BMP2K: variants seen among roughly 807,000 people sequenced by gnomAD.
BMP2K encodes BMP-2-inducible protein kinase.
BMP2K carries 74 observed loss-of-function variants against 116.0 expected under a neutral mutation model. The observed-to-expected ratio is 0.64, with a 90% CI of 0.53 to 0.77. The LOEUF (loss-of-function observed/expected upper bound fraction) is 0.77, where lower values mean the gene tolerates loss of function less well. BMP2K is among the 30% of genes least tolerant of loss of function. The pLI, the probability that BMP2K is intolerant of heterozygous loss-of-function variation, is 0.00. For synonymous variants in BMP2K, 486 were observed against 502.5 expected (o/e 0.97, Z 0.44); for missense variants, 1,365 against 1,403.6 (o/e 0.97, Z 0.44).
chr4:78,776,511 G>T lies in BMP2K; in HGVS notation c.-33G>T. The T allele has an allele frequency of 3.5e-6, 4 of 1,131,842 alleles. No individual in the cohort carries two copies. Among genetic ancestry groups the T allele is most frequent in the Non-Finnish European group, 4.3e-6 (4 of 921,522 alleles). The allele number at this position is 1,131,842 out of a possible 1,614,324, so 70.1% of individuals were successfully genotyped here. A position where few individuals can be genotyped will look rare whatever the true frequency, so the allele number is the denominator to read the frequency against. On this transcript the variant is annotated 5_prime_UTR_variant, in exon 1 of 16. Coordinates refer to ENST00000502613, the MANE Select transcript of BMP2K (RefSeq NM_198892.2). Reference sequence around the variant, plus strand: ...CCGGGCCGGGGACTTGCCCTTGCACGCTCCCTGCGCCCTCCAGCTCGCCGG... The same window carrying T: ...CCGGGCCGGGGACTTGCCCTTGCACTCTCCCTGCGCCCTCCAGCTCGCCGG...
rs1325801548 is a variant in BMP2K, at chr4:78,911,829, T to C, written c.3282T>C (p.Asp1094=). 1 of 1,613,938 alleles carries C rather than the reference T, an allele frequency of 6.2e-7. No homozygotes were observed. The highest frequency in any genetic ancestry group is 1.1e-5 in the South Asian group (1 of 91,080). ...AGGGCCTGAGCGACATCCGTGCTGA[T>C]CACAATACTGTCCTGCCAGGGCGGC... ...PHQGLSDIRA[D]HNTVLPGRPR... Residue 1094 remains aspartate (D), a synonymous_variant, in exon 16 of 16, where the codon GAT becomes GAC. Coordinates refer to ENST00000502613, the MANE Select transcript of BMP2K (RefSeq NM_198892.2).
At chr4:78,851,609 C>T (rs551058056) in intron 7 of BMP2K, among the ~76,000 whole-genome samples, 1 of 152,182 alleles carries the variant, frequency 6.6e-6, no homozygotes, top group East Asian at 1.9e-4. Context: ...TTGTAGCCTC[C>T]AGCTCACTGG....
intron 15 of BMP2K, among the ~76,000 whole-genome samples, chr4:78,890,634 C>A (rs1733384275): frequency 6.6e-6 from 1 of 152,000 alleles, no homozygotes; most frequent in Non-Finnish European, 1.5e-5. Context: ...TTTTTATGTA[C>A]CCTATCATTG....
chr4:78,859,959 C>T (rs1731691514), intron 8 of BMP2K: 1 of 538,076 alleles, frequency 1.9e-6, no homozygotes, highest in Admixed American at 2.5e-5. Flanking sequence ...TGACTTAGCA[C>T]AAAACTAATT....
chr4:78,832,166 A>G (rs1046048233), intron 2 of BMP2K, among the ~76,000 whole-genome samples: 1 of 152,154 alleles, frequency 6.6e-6, no homozygotes, highest in Non-Finnish European at 1.5e-5. Flanking sequence ...GAATATGTGC[A>G]TGCATCTATT....
chr4:78,801,482 A>G (rs560584237), intron 1 of BMP2K, among the ~76,000 whole-genome samples: 33 of 152,062 alleles, frequency 2.2e-4, no homozygotes, highest in African/African-American at 7.2e-4. Flanking sequence ...AACAGTCGCT[A>G]TGTATTGTTT....
intron 1 of BMP2K, among the ~76,000 whole-genome samples, chr4:78,816,663 T>A (rs1210204397): frequency 2.0e-5 from 3 of 152,240 alleles, no homozygotes; most frequent in Non-Finnish European, 2.9e-5. Context: ...CAAATTATGC[T>A]GGACTAAATT....
intron 15 of BMP2K, among the ~76,000 whole-genome samples, chr4:78,898,226 T>C (rs1335166949): frequency 6.6e-6 from 1 of 152,188 alleles, no homozygotes; most frequent in African/African-American, 2.4e-5. Context: ...AGACCCACCC[T>C]GTGGGCTTTA....
intron 1 of BMP2K, among the ~76,000 whole-genome samples, chr4:78,809,517 A>G (rs1276760057): frequency 2.0e-5 from 3 of 152,048 alleles, no homozygotes; most frequent in African/African-American, 7.2e-5. Flanking sequence ...AGCTGGGACC[A>G]CAGACATGCA....
chr4:78,869,268 T>C (rs1732213464), intron 10 of BMP2K, among the ~76,000 whole-genome samples: 1 of 152,002 alleles, frequency 6.6e-6, no homozygotes, highest in African/African-American at 2.4e-5. Flanking sequence ...GCCTGAGCTC[T>C]ACGTTGGCCC....
intron 1 of BMP2K, among the ~76,000 whole-genome samples, chr4:78,822,256 CT>C (rs1159915151): frequency 2.0e-5 from 3 of 151,982 alleles, no homozygotes; most frequent in Non-Finnish European, 2.9e-5. Flanking sequence ...ATCTGGTTAC[CT>C]TTTTTGTGTG....
chr4:78,820,053 A>G (rs1729539723), intron 1 of BMP2K, among the ~76,000 whole-genome samples: 1 of 152,132 alleles, frequency 6.6e-6, no homozygotes, highest in Non-Finnish European at 1.5e-5. Flanking sequence ...TTATTGTACA[A>G]TTATCTTATG....
At chr4:78,862,231 CAAAG>C (rs921576658) in intron 9 of BMP2K, among the ~76,000 whole-genome samples, 30 of 150,654 alleles carry the variant, frequency 2.0e-4, no homozygotes, top group Admixed American at 4.6e-4. Flanking sequence ...AATTTAAACA[CAAAG>C]AAAAAAAAAG....
Position 78,870,929 on chromosome 4 carries a change from C to T in BMP2K, c.1378C>T (p.Gln460Ter), listed in dbSNP as rs766997083. 4 of 1,382,114 alleles carry T rather than the reference C, an allele frequency of 2.9e-6. No homozygotes were observed. Among genetic ancestry groups the T allele is most frequent in the Non-Finnish European group, 3.8e-6 (4 of 1,061,340 alleles). The allele number at this position is 1,382,114 out of a possible 1,614,324, so 85.6% of individuals were successfully genotyped here. ...CCATTTACAGCATCGTCATCCTCAC[C>T]AGCAGCAGCAGCAGCAGCAGCAGCA... ...QLHLQHRHPH[Q>*]QQQQQQQQQQ... is the part of the protein sequence containing the mutation. The change falls in exon 11 of 16, where the codon CAG (glutamine) becomes TAG (stop). Residue 460 changes from glutamine (Q) to a stop codon, truncating the protein, a stop_gained. Transcript: ENST00000502613. LOFTEE classifies it high-confidence loss of function.
chr4:78,845,012 A>T lies in BMP2K; in HGVS notation c.631A>T (p.Lys211Ter). The T allele has an allele frequency of 3.1e-6, 5 of 1,589,126 alleles. No individual in the cohort carries two copies. The highest frequency in any genetic ancestry group is 4.3e-6 in the Non-Finnish European group (5 of 1,158,980). Residue 211 changes from lysine to a stop codon, truncating the protein, a stop_gained, in exon 5 of 16, where the codon AAA becomes TAA. Transcript: ENST00000502613. LOFTEE classifies it high-confidence loss of function. ...SATNKFLNPQ[K>*]DGVNVVEEEI... The stretch of plus-strand genomic sequence containing the variant: ...CACTAATAAATTTCTTAATCCTCAA[A>T]AAGATGGAGTTAATGTAGTAGAAGA...
chr4:78,860,538 A>G (rs1337190984), intron 8 of BMP2K, among the ~76,000 whole-genome samples: 1 of 151,846 alleles, frequency 6.6e-6, no homozygotes, highest in Non-Finnish European at 1.5e-5. Flanking sequence ...AGTTAGTATT[A>G]TTCAAAAGCT....
chr4:78,824,588 T>C (rs1183763114), intron 1 of BMP2K, among the ~76,000 whole-genome samples: 3 of 152,200 alleles, frequency 2.0e-5, no homozygotes, highest in African/African-American at 7.2e-5. Flanking sequence ...CAATTCAAAA[T>C]GAGATTTCAG....
chr4:78,815,941 T>C (rs1476554214), intron 1 of BMP2K, among the ~76,000 whole-genome samples: 1 of 152,186 alleles, frequency 6.6e-6, no homozygotes, highest in African/African-American at 2.4e-5. Context: ...CAGATTGCTT[T>C]CAAATAGTTG....
At position 78,865,654 on chromosome 4, in the gene BMP2K, A is replaced by C. The variant is rs764059092; in HGVS notation, c.1165A>C (p.Ile389Leu). The C allele has an allele frequency of 6.8e-6, 11 of 1,614,004 alleles. No homozygotes were observed. The highest frequency in any genetic ancestry group is 1.3e-5 in the African/African-American group (1 of 74,924). ...TACTGCCACTCCCAGTGTGCTGACC[A>C]TTCAAAGTTCAGCAACACCTGTTAA... ...ATTATPSVLT[I>L]QSSATPVKVL... The change falls in exon 10 of 16, where the codon ATT (isoleucine) becomes CTT (leucine). Residue 389 changes from isoleucine to leucine, a missense_variant. Physicochemically the swap from Ile to Leu is conservative, Grantham distance 5 (BLOSUM62 2). Coordinates refer to ENST00000502613, the MANE Select transcript of BMP2K (RefSeq NM_198892.2).
Sources: allele counts gnomAD v4.1 joint callset (sites outside exome capture counted in the v4.1 genomes callset), GRCh38; gene constraint gnomAD v4.1.1; transcripts MANE v1.5; gene names NCBI Gene and HGNC (gene_info 2026-07-23, HGNC 2026-07-21).